The following DACH2 variants were observed in gnomAD, a reference collection of about 807,000 sequenced individuals.
The protein encoded by DACH2 is dachshund family transcription factor 2, also known as dachshund homolog 2.
In DACH2, 17 loss-of-function variants were observed where a neutral mutation model predicts 35.8. The observed-to-expected ratio is 0.48, with a 90% confidence interval of 0.33 to 0.71. The LOEUF is 0.71. Among genes scored for constraint, DACH2 ranks in the 30% least tolerant of loss-of-function variants. The pLI is 0.02. For synonymous variants in DACH2, 195 were observed against 177.3 expected (o/e 1.10, Z -0.79); for missense variants, 469 against 472.7 (o/e 0.99, Z 0.07).
intron 3 of DACH2, among the ~76,000 whole-genome samples, chrX:86,637,533 A>T (rs979581204): frequency 8.9e-6 from 1 of 111,893 alleles, no homozygotes; most frequent in East Asian, 2.8e-4. Context: ...ACCATGGAAT[A>T]CTATGCAGCC....
At chrX:86,760,990 G>A (rs1271102539) in intron 7 of DACH2, among the ~76,000 whole-genome samples, 3 of 111,464 alleles carry the variant, frequency 2.7e-5, no homozygotes, top group Non-Finnish European at 5.7e-5. Flanking sequence ...TTTATCAACT[G>A]TAAATGGCAT....
chrX:86,657,876 A>T (rs2040561522), intron 4 of DACH2, among the ~76,000 whole-genome samples: 1 of 111,289 alleles, frequency 9.0e-6, no homozygotes, highest in Admixed American at 9.6e-5. Flanking sequence ...TAATATGTTT[A>T]TCTATCTTGT....
chrX:86,478,736 C>G (rs1173950152), intron 2 of DACH2, among the ~76,000 whole-genome samples: 1 of 108,651 alleles, frequency 9.2e-6, no homozygotes, highest in Non-Finnish European at 1.9e-5. Context: ...GAGCAGACAG[C>G]CAGGCAGGTC....
At chrX:86,750,158 C>A (rs896364739) in intron 7 of DACH2, among the ~76,000 whole-genome samples, 2 of 110,940 alleles carry the variant, frequency 1.8e-5, no homozygotes, top group Non-Finnish European at 3.8e-5. Flanking sequence ...AGTGAATATC[C>A]TTGTCTTATT....
intron 2 of DACH2, among the ~76,000 whole-genome samples, chrX:86,453,052 T>G (rs1267873862): frequency 1.8e-5 from 2 of 111,879 alleles, no homozygotes; most frequent in Non-Finnish European, 3.8e-5. Context: ...ACTTCTTGAT[T>G]TCTGCCTTAA....
chrX:86,690,576 CAAAT>C (rs946611211), intron 4 of DACH2, among the ~76,000 whole-genome samples: 3 of 111,485 alleles, frequency 2.7e-5, no homozygotes, highest in African/African-American at 9.8e-5. Context: ...GCAACAAAAA[CAAAT>C]AACCTTCTGG....
At chrX:86,433,052 C>T (rs1046807392) in intron 2 of DACH2, among the ~76,000 whole-genome samples, 1 of 111,682 alleles carries the variant, frequency 9.0e-6, no homozygotes, top group Non-Finnish European at 1.9e-5. Flanking sequence ...AACTGTGTTT[C>T]AGTTTCCTAA....
chrX:86,785,813 C>T (rs904595642), intron 7 of DACH2, among the ~76,000 whole-genome samples: 1 of 111,472 alleles, frequency 9.0e-6, no homozygotes, highest in Non-Finnish European at 1.9e-5. Context: ...CTATATGCTA[C>T]ATATATGCCA....
intron 1 of DACH2, among the ~76,000 whole-genome samples, chrX:86,319,845 A>G (rs1266848905): frequency 8.9e-6 from 1 of 111,981 alleles, no homozygotes. Context: ...TACACACATA[A>G]CACATATGTA....
Position 86,457,564 on chromosome X carries a change from C to T in DACH2, c.528-56715C>T, listed in dbSNP as rs193031487. 2.1e-4 allele frequency among the ~76,000 whole-genome samples: 24 copies of T among 112,294 alleles called. No homozygotes were observed. The East Asian group carries it at 6.7e-3, about 32-fold the overall frequency. On this transcript the variant is annotated intron_variant, in intron 2 of 11. Coordinates refer to ENST00000373125, the MANE Select transcript of DACH2 (RefSeq NM_053281.3). ...AAAATATTTATTGAAAACTTACATG[C>T]TAGGTTTTGTTTTAGGTCCGAGGAA...
intron 1 of DACH2, among the ~76,000 whole-genome samples, chrX:86,287,737 G>T (rs888675967): frequency 8.9e-6 from 1 of 111,796 alleles, no homozygotes; most frequent in African/African-American, 3.2e-5. Context: ...GCTTATTTTT[G>T]ATTATTTCTA....
chrX:86,156,464 T>C (rs2030549993), intron 1 of DACH2, among the ~76,000 whole-genome samples: 1 of 111,529 alleles, frequency 9.0e-6, no homozygotes, highest in Non-Finnish European at 1.9e-5. Context: ...GATATACTAA[T>C]CCTGAAATTT....
At chrX:86,426,285 C>T (rs1487361103) in intron 2 of DACH2, among the ~76,000 whole-genome samples, 2 of 110,885 alleles carry the variant, frequency 1.8e-5, no homozygotes, top group Admixed American at 9.6e-5. Context: ...AAATCTTTTC[C>T]CCACTCCATG....
chrX:86,211,441 A>G (rs1047747220), intron 1 of DACH2, among the ~76,000 whole-genome samples: 4 of 111,662 alleles, frequency 3.6e-5, no homozygotes, highest in African/African-American at 9.7e-5. Flanking sequence ...TGGGATGTCA[A>G]GCATAGCTGG....
chrX:86,792,549 C>T (rs186615352), intron 7 of DACH2, among the ~76,000 whole-genome samples: 1 of 111,632 alleles, frequency 9.0e-6, no homozygotes, highest in African/African-American at 3.2e-5. Context: ...CTTTCCCAGC[C>T]TCTGATAACT....
chrX:86,723,868 G>T (rs1015834374), intron 6 of DACH2, among the ~76,000 whole-genome samples: 1 of 109,474 alleles, frequency 9.1e-6, no homozygotes, highest in Non-Finnish European at 1.9e-5. Context: ...TTTATCAATA[G>T]CACTTGAGTT....
At chrX:86,295,109 G>A (rs2034418008) in intron 1 of DACH2, among the ~76,000 whole-genome samples, 1 of 111,911 alleles carries the variant, frequency 8.9e-6, no homozygotes, top group Admixed American at 9.4e-5. Flanking sequence ...CCAGTTGTGG[G>A]ATATAATCTG....
intron 4 of DACH2, among the ~76,000 whole-genome samples, chrX:86,659,585 G>C (rs1328033967): frequency 9.0e-6 from 1 of 111,251 alleles, no homozygotes; most frequent in African/African-American, 3.3e-5. Context: ...TCAAATCATA[G>C]GGCAGAACTT....
chrX:86,250,625 T>C (rs1428792313), intron 1 of DACH2, among the ~76,000 whole-genome samples: 1 of 111,557 alleles, frequency 9.0e-6, no homozygotes, highest in East Asian at 2.8e-4. Flanking sequence ...TTGGAAATGT[T>C]TTCTGAGTGC....
Sources: allele counts gnomAD v4.1 joint callset (sites outside exome capture counted in the v4.1 genomes callset), GRCh38; gene constraint gnomAD v4.1.1; transcripts MANE v1.5; gene names NCBI Gene and HGNC (gene_info 2026-07-23, HGNC 2026-07-21).